Variants in VCAN observed in about 807,000 individuals in gnomAD.
The protein encoded by VCAN is versican.
A neutral mutation model predicts 245.5 loss-of-function variants in VCAN; 44 were observed. That is an observed-to-expected ratio of 0.18 (90% CI 0.14 to 0.23). The LOEUF (loss-of-function observed/expected upper bound fraction) is 0.23. Ranked by LOEUF, VCAN falls within the 10% of genes least tolerant of loss-of-function variation. The probability of loss-of-function intolerance (pLI) is 1.00; values close to 1 mark genes in which losing one functional copy is unlikely to be tolerated. For synonymous variants in VCAN, 1,413 were observed against 1,437.0 expected (o/e 0.98, Z 0.38); for missense variants, 3,793 against 4,057.9 (o/e 0.93, Z 1.77).
At chr5:83,472,147 G>A (rs1048812274) in intron 1 of VCAN, 124 bp downstream of exon 1, 1 of 171,648 alleles carries the variant, frequency 5.8e-6, no homozygotes, top group Non-Finnish European at 1.2e-5. Flanking sequence ...AGAGCTGTAA[G>A]GCGAAGTTAA....
rs766439672 is a variant in VCAN, at chr5:83,521,724, T to A, written c.3418T>A (p.Tyr1140Asn). 3 of 1,613,966 alleles carry A rather than the reference T, an allele frequency of 1.9e-6. No individual in the cohort carries two copies. The highest frequency in any genetic ancestry group is 1.7e-6 in the Non-Finnish European group (2 of 1,180,012). ...TTTAAGTCCAGGGCCTGAACAAAAATATGAAACAGAAGGTAGTAGTACAAC... is the reference window on the plus strand; with the variant it reads ...TTTAAGTCCAGGGCCTGAACAAAAAAATGAAACAGAAGGTAGTAGTACAAC... Reference protein sequence around the residue: ...VSLSPGPEQKYETEGSSTTGF... With the variant: ...VSLSPGPEQKNETEGSSTTGF... Residue 1140 changes from tyrosine (Y) to asparagine (N), a missense_variant, in exon 7 of 15, where the codon TAT becomes AAT. Physicochemically the swap from Tyr to Asn is moderately radical, Grantham distance 143 (BLOSUM62 -2). Around this residue, in one of 5 missense-constraint regions of VCAN, gnomAD observed 3,182 missense variants for 3,250.3 expected, o/e 0.98. Transcript: ENST00000265077.
intron 1 of VCAN, among the ~76,000 whole-genome samples, chr5:83,478,244 C>G (rs1744470421): frequency 6.6e-6 from 1 of 151,978 alleles, no homozygotes; most frequent in Non-Finnish European, 1.5e-5. Flanking sequence ...CTGTGCCTGG[C>G]AAAAATAAAA....
At chr5:83,556,943 A>G (rs1254754307) in intron 12 of VCAN, among the ~76,000 whole-genome samples, 3 of 152,026 alleles carry the variant, frequency 2.0e-5, no homozygotes, top group African/African-American at 7.2e-5. Context: ...TATTAAGTCT[A>G]CCTCCCACGA....
At chr5:83,499,917 T>C (rs935584649) in intron 5 of VCAN, among the ~76,000 whole-genome samples, 3 of 152,194 alleles carry the variant, frequency 2.0e-5, no homozygotes, top group Non-Finnish European at 4.4e-5. Flanking sequence ...CCTTTAGATA[T>C]GAAAATCTAA....
At chr5:83,555,147 TTGCTCAAGG>T (rs1747622413) in intron 12 of VCAN, 109 bp downstream of exon 12, 13 of 1,107,658 alleles carry the variant, frequency 1.2e-5, no homozygotes, top group Non-Finnish European at 9.6e-6. Flanking sequence ...GTTAAATGAC[TTGCTCAAGG>T]TCACTCAGTG....
rs1746743205 is a variant in VCAN at position 83,537,095 on chromosome 5, G to T, written c.4092G>T (p.Val1364=). The T allele has an allele frequency of 1.2e-6, 2 of 1,613,672 alleles. No homozygotes were observed. The highest frequency in any genetic ancestry group is 1.7e-6 in the Non-Finnish European group (2 of 1,179,858). ...CTTGTAGTGAAGAAACAGATCCAGTGCATGATCTAATGGCTGAAATTTTAC... is the reference window on the plus strand; with the variant it reads ...CTTGTAGTGAAGAAACAGATCCAGTTCATGATCTAATGGCTGAAATTTTAC... ...DEPCSEETDP[V]HDLMAEILPE... is the part of the protein sequence containing the mutation. Residue 1364 remains valine, a synonymous_variant, in exon 8 of 15, where the codon GTG becomes GTT. Coordinates refer to ENST00000265077, the MANE Select transcript of VCAN (RefSeq NM_004385.5).
chr5:83,476,985 C>A (rs1744414797), intron 1 of VCAN, among the ~76,000 whole-genome samples: 1 of 151,950 alleles, frequency 6.6e-6, no homozygotes, highest in South Asian at 2.1e-4. Flanking sequence ...AAATTATAAT[C>A]TTTTTATTAT....
rs775841664 is a variant in VCAN, at chr5:83,542,261, T to C, written c.9258T>C (p.Tyr3086=). The C allele has an allele frequency of 6.2e-7, 1 of 1,612,508 alleles. No homozygotes were observed. Among genetic ancestry groups the C allele is most frequent in the Admixed American group, 1.7e-5 (1 of 59,994 alleles). The stretch of plus-strand genomic sequence containing the variant: ...AGTCAGTGGAAGGCACGGCAATCTA[T>C]TTACCAGGTAAGATCACAACATTGA... ...NEESVEGTAI[Y]LPGPDRCKMN... Residue 3086 remains tyrosine, a synonymous_variant, in exon 8 of 15, where the codon TAT becomes TAC. Coordinates refer to ENST00000265077, the MANE Select transcript of VCAN (RefSeq NM_004385.5).
At chr5:83,569,326 G>C (rs1748196991) in intron 12 of VCAN, among the ~76,000 whole-genome samples, 1 of 152,134 alleles carries the variant, frequency 6.6e-6, no homozygotes, top group South Asian at 2.1e-4. Context: ...CTATTTGCTA[G>C]CAGCAAGCAG....
chr5:83,480,559 G>A (rs538927898), intron 1 of VCAN, among the ~76,000 whole-genome samples: 4 of 152,250 alleles, frequency 2.6e-5, no homozygotes, highest in African/African-American at 7.2e-5. Context: ...AAATAGAGGC[G>A]TTGATCATGT....
chr5:83,546,520 G>C (rs1286335455), intron 9 of VCAN, among the ~76,000 whole-genome samples: 2 of 151,694 alleles, frequency 1.3e-5, no homozygotes, highest in Non-Finnish European at 2.9e-5. Context: ...CTTTGGGAGG[G>C]CGAGGTGGGC....
rs763250958 is a variant in VCAN at position 83,538,591 on chromosome 5, A to G, written c.5588A>G (p.Glu1863Gly). The change falls in exon 8 of 15, where the codon GAA becomes GGA. Residue 1863 changes from glutamate to glycine, a missense_variant. By Grantham distance (98) the Glu-to-Gly change is moderately conservative. Transcript: ENST00000265077. ...AACGTAGAGTATGCAATTCAAGCCGAAAAGGAAGTAGCTGGCACTTTGTCT... is the reference window on the plus strand; with the variant it reads ...AACGTAGAGTATGCAATTCAAGCCGGAAAGGAAGTAGCTGGCACTTTGTCT... ...SLNVEYAIQA[E>G]KEVAGTLSPH... The G allele has an allele frequency of 1.2e-6, 2 of 1,614,034 alleles. No homozygotes were observed. The highest frequency in any genetic ancestry group is 4.5e-5 in the East Asian group (2 of 44,868).
At chr5:83,549,958 C>T (rs541450337) in intron 10 of VCAN, among the ~76,000 whole-genome samples, 44 of 152,320 alleles carry the variant, frequency 2.9e-4, no homozygotes, top group Non-Finnish European at 5.1e-4. Flanking sequence ...AGTGTTCCTT[C>T]AGCTGACGTT....
At chr5:83,554,054 G>A (rs1049384494) in intron 11 of VCAN, among the ~76,000 whole-genome samples, 2 of 152,196 alleles carry the variant, frequency 1.3e-5, no homozygotes, top group Non-Finnish European at 2.9e-5. Context: ...AACTTGAATA[G>A]GTGGAGATTG....
intron 5 of VCAN, among the ~76,000 whole-genome samples, chr5:83,507,927 TTA>T (rs1745529982): frequency 6.6e-6 from 1 of 152,230 alleles, no homozygotes; most frequent in African/African-American, 2.4e-5. Context: ...CTGCATGTTT[TTA>T]ATGAGATACG....
chr5:83,512,670 T>A (rs1002036786), intron 6 of VCAN: 1 of 343,084 alleles, frequency 2.9e-6, no homozygotes, highest in Non-Finnish European at 5.3e-6. Flanking sequence ...AGAGCATTTT[T>A]CTAAGTATTT....
intron 8 of VCAN, among the ~76,000 whole-genome samples, chr5:83,543,562 T>C (rs2112453582): frequency 6.6e-6 from 1 of 152,326 alleles, no homozygotes; most frequent in Middle Eastern, 3.4e-3. Context: ...TGATCAAAGG[T>C]AGTTGACATT....
intron 13 of VCAN, among the ~76,000 whole-genome samples, chr5:83,579,507 C>A (rs1320347376): frequency 6.6e-6 from 1 of 152,116 alleles, no homozygotes; most frequent in Non-Finnish European, 1.5e-5. Context: ...TCGTGATCCA[C>A]CCCGCTTGGC....
At chr5:83,532,325 T>C (rs1389330185) in intron 7 of VCAN, among the ~76,000 whole-genome samples, 3 of 151,848 alleles carry the variant, frequency 2.0e-5, no homozygotes, top group Admixed American at 2.0e-4. Flanking sequence ...TAGGATTTGG[T>C]GAGATGCAAG....
Sources: allele counts gnomAD v4.1 joint callset (sites outside exome capture counted in the v4.1 genomes callset), GRCh38; gene constraint gnomAD v4.1.1; regional missense constraint gnomAD v4.1.1; transcripts MANE v1.5; gene names NCBI Gene and HGNC (gene_info 2026-07-23, HGNC 2026-07-21).